The following IFT25 variants were observed in gnomAD, a reference collection of about 807,000 sequenced individuals.
IFT25 encodes the protein intraflagellar transport 25.
chr1:53,916,646 G>A, the IFT25 span: 2 of 296,610 alleles, frequency 6.7e-6, no homozygotes, highest in Non-Finnish European at 1.2e-5. Context: ...ACCTTAAATG[G>A]TTCCAGTGTT....
the IFT25 span, among the ~76,000 whole-genome samples, chr1:53,926,549 A>G: frequency 6.6e-6 from 1 of 152,298 alleles, no homozygotes; most frequent in African/African-American, 2.4e-5. Context: ...ATGAAACCCA[A>G]TTCCTATTCA....
the IFT25 span, among the ~76,000 whole-genome samples, chr1:53,941,267 A>T: frequency 6.6e-6 from 1 of 152,042 alleles, no homozygotes; most frequent in Admixed American, 6.6e-5. Context: ...TGCTGGGATT[A>T]CAGGTGTGAG....
the IFT25 span, among the ~76,000 whole-genome samples, chr1:53,941,684 T>G: frequency 6.6e-6 from 1 of 152,212 alleles, no homozygotes; most frequent in African/African-American, 2.4e-5. Context: ...TAAACTTGAA[T>G]GCTAATTCTC....
chr1:53,915,719 G>C, the IFT25 span, among the ~76,000 whole-genome samples: 6 of 152,322 alleles, frequency 3.9e-5, no homozygotes, highest in African/African-American at 1.4e-4. Flanking sequence ...CAATGAGGAA[G>C]CCAGCTATAC....
At chr1:53,916,557 C>T in the IFT25 span, 497 of 180,976 alleles carry the variant, frequency 2.7e-3, no homozygotes, top group Non-Finnish European at 3.6e-3. Context: ...AATTTAGAAA[C>T]TTGGCAAAAA....
chr1:53,944,837 C>T, the IFT25 span, among the ~76,000 whole-genome samples: 3 of 152,138 alleles, frequency 2.0e-5, no homozygotes, highest in Non-Finnish European at 4.4e-5. Flanking sequence ...CTGGTTTCGT[C>T]CCCAGTTCAC....
At chr1:53,945,934 C>T in the IFT25 span, 1 of 142,754 alleles carries the variant, frequency 7.0e-6, no homozygotes, top group African/African-American at 2.7e-5. Flanking sequence ...CTACCCCGAG[C>T]TTTTCGCGCC....
At chr1:53,921,187 T>G in the IFT25 span, among the ~76,000 whole-genome samples, 2 of 152,098 alleles carry the variant, frequency 1.3e-5, no homozygotes, top group East Asian at 3.9e-4. Flanking sequence ...ATATTTTTTT[T>G]AATTAAAAAG....
chr1:53,925,118 T>C, the IFT25 span, among the ~76,000 whole-genome samples: 1 of 152,324 alleles, frequency 6.6e-6, no homozygotes, highest in East Asian at 1.9e-4. Context: ...TTACTGACTT[T>C]ATATAGTATG....
chr1:53,911,733 A>C, the IFT25 span, among the ~76,000 whole-genome samples: 17 of 152,160 alleles, frequency 1.1e-4, no homozygotes, highest in African/African-American at 4.1e-4. Context: ...CGGATCTCTA[A>C]CTTCAAGGCC....
the IFT25 span, among the ~76,000 whole-genome samples, chr1:53,927,338 A>C: frequency 6.6e-6 from 1 of 152,162 alleles, no homozygotes; most frequent in African/African-American, 2.4e-5. Context: ...TCCAAAGATG[A>C]ATGTTCCAGT....
chr1:53,925,606 A>G, the IFT25 span, among the ~76,000 whole-genome samples: 1 of 151,534 alleles, frequency 6.6e-6, no homozygotes, highest in South Asian at 2.1e-4. Flanking sequence ...TGGAGCTTGC[A>G]GTGAGCCGAG....
the IFT25 span, among the ~76,000 whole-genome samples, chr1:53,944,938 C>T: frequency 9.5e-4 from 145 of 152,326 alleles, no homozygotes; most frequent in Middle Eastern, 3.4e-3. Flanking sequence ...CCCTGACCAG[C>T]TCCCTTGGTT....
the IFT25 span, chr1:53,928,593 C>T: frequency 1.8e-6 from 1 of 568,198 alleles, no homozygotes; most frequent in Non-Finnish European, 3.1e-6. Flanking sequence ...TGTATGTTTC[C>T]AAAAAACCCT....
At chr1:53,923,852 C>T in the IFT25 span, 1 of 1,090,514 alleles carries the variant, frequency 9.2e-7, no homozygotes, top group Non-Finnish European at 1.4e-6. Context: ...AGGTTAAAGT[C>T]TAAATACATT....
At chr1:53,928,328 T>G in the IFT25 span, 4 of 1,398,752 alleles carry the variant, frequency 2.9e-6, no homozygotes, top group East Asian at 9.1e-5. Flanking sequence ...AAAGGAATAT[T>G]ATCTACTCCT....
the IFT25 span, among the ~76,000 whole-genome samples, chr1:53,933,299 TA>T: frequency 2.0e-5 from 3 of 152,074 alleles, no homozygotes; most frequent in Non-Finnish European, 4.4e-5. Flanking sequence ...CACGCCTGGC[TA>T]ATTTTTTTTA....
the IFT25 span, among the ~76,000 whole-genome samples, chr1:53,929,183 G>A: frequency 6.6e-6 from 1 of 152,232 alleles, no homozygotes; most frequent in Admixed American, 6.5e-5. Flanking sequence ...ACTGGGGTGG[G>A]GAAGGGAGAT....
At chr1:53,928,732 T>G in the IFT25 span, 15 of 296,878 alleles carry the variant, frequency 5.1e-5, no homozygotes, top group African/African-American at 3.0e-4. Flanking sequence ...ATACTACTAT[T>G]GGTGGTCTTG....
Sources: allele counts gnomAD v4.1 joint callset (sites outside exome capture counted in the v4.1 genomes callset), GRCh38; gene constraint gnomAD v4.1.1; transcripts MANE v1.5; gene names NCBI Gene and HGNC (gene_info 2026-07-23, HGNC 2026-07-21).